Variants in PRKN observed in about 807,000 individuals in gnomAD.
The protein encoded by PRKN is E3 ubiquitin-protein ligase parkin.
In PRKN, 56 loss-of-function variants were observed where a neutral mutation model predicts 59.5. The observed-to-expected ratio is 0.94, with a 90% CI of 0.76 to 1.18. The LOEUF is 1.18. PRKN is among the 50% of genes most tolerant of loss of function. PRKN has a pLI of 0.00. For synonymous variants in PRKN, 250 were observed against 222.1 expected (o/e 1.13, Z -1.12); for missense variants, 657 against 596.4 (o/e 1.10, Z -1.06).
chr6:161,643,340 T>A (rs1313243149), intron 7 of PRKN, among the ~76,000 whole-genome samples: 2 of 152,160 alleles, frequency 1.3e-5, no homozygotes, highest in Non-Finnish European at 2.9e-5. Flanking sequence ...CTCTCTAGTC[T>A]CAAATATTTA....
intron 4 of PRKN, among the ~76,000 whole-genome samples, chr6:162,112,782 TA>T (rs111532085): frequency 3.9e-3 from 550 of 141,154 alleles, no homozygotes; most frequent in African/African-American, 9.7e-3. Context: ...TTTACAAAAT[TA>T]AAAAAAAAAA....
At chr6:162,578,407 C>T (rs1780647486) in intron 1 of PRKN, among the ~76,000 whole-genome samples, 1 of 152,182 alleles carries the variant, frequency 6.6e-6, no homozygotes. Flanking sequence ...GTTTAACAGT[C>T]TGGGGCCGGG....
chr6:161,357,138 G>T lies in PRKN; in HGVS notation c.1285+2950C>A, dbSNP rs779747290. Among the ~76,000 whole-genome samples the T allele has an allele frequency of 7.8e-5, 11 of 141,154 alleles. No individual in the cohort carries two copies. Among genetic ancestry groups the T allele is most frequent in the Admixed American group, 1.6e-4 (2 of 12,840 alleles). The allele number at this position is 141,154 out of a possible 152,430, so 92.6% of individuals were successfully genotyped here. A position where few individuals can be genotyped will look rare whatever the true frequency, so the allele number is the denominator to read the frequency against. ...ATGATCTCAGCTCACTGCAAATTCC[G>T]CCTCCCAGGTTCAAGTAATTCTCCT... On this transcript the variant is annotated intron_variant, in intron 11 of 11. Transcript: ENST00000366898. This position sits in a 1 kb window ranked among gnomAD's most constrained non-coding sequence, Gnocchi z 5.5.
chr6:162,623,353 T>C (rs1046604621), intron 1 of PRKN, among the ~76,000 whole-genome samples: 6 of 152,214 alleles, frequency 3.9e-5, no homozygotes, highest in African/African-American at 1.4e-4. Flanking sequence ...AAATCAGTGA[T>C]CACTTAGATG....
At chr6:162,125,640 CAAAT>C (rs1277501465) in intron 4 of PRKN, among the ~76,000 whole-genome samples, 1 of 152,192 alleles carries the variant, frequency 6.6e-6, no homozygotes, top group Non-Finnish European at 1.5e-5. Flanking sequence ...TATACACAAA[CAAAT>C]AGTCACTGTG....
chr6:161,774,674 G>C (rs80163216), intron 7 of PRKN, among the ~76,000 whole-genome samples: 5,954 of 152,208 alleles, frequency 0.039, 387 homozygotes, highest in African/African-American at 0.13. Flanking sequence ...GAGTGGAGCA[G>C]AGGCCCCTTG....
chr6:161,679,499 C>T (rs556334993), intron 7 of PRKN, among the ~76,000 whole-genome samples: 9 of 151,676 alleles, frequency 5.9e-5, no homozygotes, highest in African/African-American at 1.9e-4. Context: ...CCCTCCACCA[C>T]AGCCTCGGAA....
At chr6:161,658,072 ACT>A (rs532314555) in intron 7 of PRKN, among the ~76,000 whole-genome samples, 1 of 151,302 alleles carries the variant, frequency 6.6e-6, no homozygotes, top group African/African-American at 2.4e-5. Flanking sequence ...AGTTGAAACT[ACT>A]CACATTTTAA....
intron 2 of PRKN, among the ~76,000 whole-genome samples, chr6:162,399,901 G>C (rs1264218979): frequency 1.3e-5 from 2 of 151,964 alleles, no homozygotes; most frequent in Non-Finnish European, 2.9e-5. Context: ...GTATGATTTG[G>C]AAAAAAAAGA....
In PRKN at chr6:161,391,511, A is replaced by G. The variant is rs923565010; in HGVS notation, c.1084-4634T>C. The stretch of plus-strand genomic sequence containing the variant: ...TACATACTTATTTCATTGGCTCTCT[A>G]AAGTCTATTCCCTTATAGATTTGGT... On this transcript the variant is annotated intron_variant, in intron 9 of 11. Transcript: ENST00000366898. The surrounding 1 kb of genome is among the most constrained non-coding windows in gnomAD (Gnocchi z 4.9). Among the ~76,000 whole-genome samples the G allele has an allele frequency of 1.3e-5, 2 of 151,744 alleles. No individual in the cohort carries two copies. Among genetic ancestry groups the G allele is most frequent in the African/African-American group, 4.8e-5 (2 of 41,274 alleles).
intron 7 of PRKN, among the ~76,000 whole-genome samples, chr6:161,765,907 A>G (rs1238521539): frequency 1.3e-5 from 2 of 152,234 alleles, no homozygotes; most frequent in African/African-American, 4.8e-5. Flanking sequence ...TAACAAATCA[A>G]AAACAAAATA....
intron 2 of PRKN, among the ~76,000 whole-genome samples, chr6:162,389,148 T>A (rs994574902): frequency 6.6e-5 from 10 of 152,040 alleles, no homozygotes; most frequent in African/African-American, 2.2e-4. Flanking sequence ...TGCAGGCTAG[T>A]TTGTGTTCTC....
intron 6 of PRKN, among the ~76,000 whole-genome samples, chr6:161,966,059 G>A (rs1288334213): frequency 6.6e-6 from 1 of 151,924 alleles, no homozygotes; most frequent in Non-Finnish European, 1.5e-5. Flanking sequence ...CCCCACAAAG[G>A]ACAGCTTTGT....
chr6:161,764,231 G>T (rs936616635), intron 7 of PRKN, among the ~76,000 whole-genome samples: 1 of 152,158 alleles, frequency 6.6e-6, no homozygotes. Flanking sequence ...TTATATAGCT[G>T]CATGGTTTTT....
At chr6:162,706,423 A>G (rs1778341352) in intron 1 of PRKN, among the ~76,000 whole-genome samples, 1 of 152,230 alleles carries the variant, frequency 6.6e-6, no homozygotes, top group Non-Finnish European at 1.5e-5. Flanking sequence ...TATGTCAAAG[A>G]AACTTTTTAG....
intron 6 of PRKN, among the ~76,000 whole-genome samples, chr6:161,968,517 T>C (rs566448636): frequency 1.6e-3 from 241 of 152,226 alleles, no homozygotes; most frequent in Middle Eastern, 6.8e-3. Flanking sequence ...TTCTGTTCAG[T>C]CAGTTGGAGG....
chr6:162,457,990 T>C (rs1790962138), intron 1 of PRKN, among the ~76,000 whole-genome samples: 1 of 151,798 alleles, frequency 6.6e-6, no homozygotes, highest in Admixed American at 6.6e-5. Context: ...GTGCAGTGGC[T>C]CGTGCCTGTA....
chr6:162,184,864 A>G (rs1783956895), intron 4 of PRKN, among the ~76,000 whole-genome samples: 1 of 152,194 alleles, frequency 6.6e-6, no homozygotes, highest in Non-Finnish European at 1.5e-5. Context: ...AGAAACTTAA[A>G]GTAAACCAAT....
intron 6 of PRKN, among the ~76,000 whole-genome samples, chr6:161,854,969 G>T (rs1282403431): frequency 6.6e-6 from 1 of 151,554 alleles, no homozygotes; most frequent in East Asian, 1.9e-4. Context: ...TGTAGTCCCA[G>T]CTACTGAGGA....
Sources: gnomAD v4.1 joint callset for allele counts (sites outside exome capture counted in the v4.1 genomes callset) on GRCh38, gnomAD v4.1.1 for gene constraint, Gnocchi (gnomAD v3.1) non-coding constraint, MANE v1.5 for transcripts, NCBI Gene and HGNC (gene_info 2026-07-23, HGNC 2026-07-21) for gene names.